RIMKLA: variants seen among roughly 807,000 people sequenced by gnomAD.
The protein encoded by RIMKLA is ribosomal modification protein rimK like family member A.
RIMKLA carries 14 observed loss-of-function variants against 32.7 expected under a neutral mutation model. The observed-to-expected ratio is 0.43, with a 90% CI of 0.28 to 0.67. The LOEUF is 0.67. Among genes scored for constraint, RIMKLA ranks in the 30% least tolerant of loss-of-function variants. The probability of loss-of-function intolerance (pLI) is 0.18; values close to 1 mark genes in which losing one functional copy is unlikely to be tolerated. For synonymous variants in RIMKLA, 176 were observed against 204.1 expected, an observed-to-expected ratio of 0.86 and a Z score of 1.18; for missense variants, 410 against 519.0, an observed-to-expected ratio of 0.79 and a Z score of 2.04.
intron 3 of RIMKLA, 114 bp from the exon 4 acceptor site, chr1:42,409,870 A>G (rs1643181863): frequency 3.7e-6 from 3 of 801,520 alleles, no homozygotes; most frequent in East Asian, 2.4e-5. Context: ...AGAAGGGACC[A>G]AAGTGAGGCA....
Position 42,421,781 on chromosome 1 carries a change from G to C in RIMKLA, c.*6807G>C, listed in dbSNP as rs1643297317. 1 of 152,180 alleles carries C rather than the reference G, an allele frequency of 6.6e-6. No individual in the cohort carries two copies. Among genetic ancestry groups the C allele is most frequent in the African/African-American group, 2.4e-5 (1 of 41,456 alleles). The allele number at this position is 152,180 out of a possible 1,614,324, so 9.4% of individuals were successfully genotyped here. A position where few individuals can be genotyped will look rare whatever the true frequency, so the allele number is the denominator to read the frequency against. ...AAACACAGCCACAGTGACCATTAGAGATTATATTAACCTGCAATTAAATAA... is the reference window on the plus strand; with the variant it reads ...AAACACAGCCACAGTGACCATTAGACATTATATTAACCTGCAATTAAATAA... On this transcript the variant is annotated 3_prime_UTR_variant, in exon 5 of 5. Coordinates refer to ENST00000431473, the MANE Select transcript of RIMKLA (RefSeq NM_173642.4). This position sits in a 1 kb window ranked among gnomAD's most constrained non-coding sequence, Gnocchi z 4.6.
intron 3 of RIMKLA, 60 bp from the exon 4 acceptor site, chr1:42,409,924 G>T: frequency 7.5e-7 from 1 of 1,338,562 alleles, no homozygotes; most frequent in South Asian, 1.2e-5. Context: ...GAGGCCAGAT[G>T]GCAAGTACAG....
intron 1 of RIMKLA, among the ~76,000 whole-genome samples, chr1:42,382,280 G>T (rs1642896220): frequency 6.6e-6 from 1 of 152,162 alleles, no homozygotes; most frequent in African/African-American, 2.4e-5. Context: ...GATGCAACCG[G>T]TACCCTCTCT....
chr1:42,398,967 T>TA (rs543668676), intron 1 of RIMKLA, among the ~76,000 whole-genome samples: 14,214 of 98,122 alleles, frequency 0.14, 1,037 homozygotes, highest in Non-Finnish European at 0.17. Context: ...ACCCTGTCTT[T>TA]AAAAAAAAAA....
chr1:42,381,903 G>C (rs74751710), intron 1 of RIMKLA, among the ~76,000 whole-genome samples: 2 of 152,328 alleles, frequency 1.3e-5, no homozygotes, highest in East Asian at 1.9e-4. Flanking sequence ...CTTGCTGTTT[G>C]AGTGTCTCTG....
At chr1:42,388,162 G>C (rs1435808096) in intron 1 of RIMKLA, among the ~76,000 whole-genome samples, 4 of 152,164 alleles carry the variant, frequency 2.6e-5, no homozygotes, top group African/African-American at 9.7e-5. Flanking sequence ...GGGTCACTGA[G>C]GGACTTTTGC....
chr1:42,382,131 G>T (rs190417826), intron 1 of RIMKLA, among the ~76,000 whole-genome samples: 1 of 152,302 alleles, frequency 6.6e-6, no homozygotes, highest in Non-Finnish European at 1.5e-5. Context: ...CTGTTTCTGA[G>T]TGGAATATAT....
rs1193404341 is a variant in RIMKLA, at chr1:42,414,672, G to T, written c.874G>T (p.Gly292Cys). 1 of 1,614,062 alleles carries T rather than the reference G, an allele frequency of 6.2e-7. No individual in the cohort carries two copies. Among genetic ancestry groups the T allele is most frequent in the African/African-American group, 1.3e-5 (1 of 74,934 alleles). The change falls in exon 5 of 5, where the codon GGT becomes TGT. Residue 292 changes from glycine (G) to cysteine (C), a missense_variant. By Grantham distance (159) the Gly-to-Cys change is radical. Transcript: ENST00000431473. ...AFDQACNLDV[G>C]GIIADYTMSL... The stretch of plus-strand genomic sequence containing the variant: ...TGACCAGGCATGCAACTTAGATGTG[G>T]GTGGGATCATTGCAGACTATACCAT...
chr1:42,383,178 G>A lies in RIMKLA; in HGVS notation c.163+2081G>A, dbSNP rs149517585. 1.8e-4 allele frequency among the ~76,000 whole-genome samples: 27 copies of A among 152,172 alleles called. 1 individual carries two copies. The East Asian group carries it at 3.5e-3, about 20-fold the overall frequency. On this transcript the variant is annotated intron_variant, in intron 1 of 4. Transcript: ENST00000431473. The stretch of plus-strand genomic sequence containing the variant: ...TGGGATTACAGGCGTGAGCCACCGC[G>A]TCCGGCCTGTTCTTTTTAACTACAG...
intron 1 of RIMKLA, among the ~76,000 whole-genome samples, chr1:42,398,667 A>T (rs1226992942): frequency 6.6e-6 from 1 of 152,152 alleles, no homozygotes; most frequent in Non-Finnish European, 1.5e-5. Context: ...ATGTTGATAA[A>T]ATCATTTAAA....
intron 1 of RIMKLA, among the ~76,000 whole-genome samples, chr1:42,389,589 A>T (rs1642979017): frequency 6.6e-6 from 1 of 152,150 alleles, no homozygotes; most frequent in South Asian, 2.1e-4. Flanking sequence ...AGGTGGGCGA[A>T]TCACTTGAGG....
chr1:42,401,625 G>C (rs1319131990), intron 2 of RIMKLA, among the ~76,000 whole-genome samples: 2 of 152,158 alleles, frequency 1.3e-5, no homozygotes, highest in Non-Finnish European at 2.9e-5. Context: ...TGATGTGTGT[G>C]TTGGGTTCAG....
rs1274859633 is a variant in RIMKLA, at chr1:42,416,870, A to G, written c.*1896A>G. On this transcript the variant is annotated 3_prime_UTR_variant, in exon 5 of 5. Transcript: ENST00000431473. ...TGGTGCCATGTAATGGAGATGTCAC[A>G]CTACACAGTTGTAGTTTAAATGCAG... The G allele has an allele frequency of 1.3e-5, 2 of 152,272 alleles. No homozygotes were observed. The highest frequency in any genetic ancestry group is 2.4e-5 in the African/African-American group (1 of 41,470). 9.4% of individuals were successfully genotyped at this position (152,272 alleles called of 1,614,324 possible). A position where few individuals can be genotyped will look rare whatever the true frequency, so the allele number is the denominator to read the frequency against.
At chr1:42,387,905 G>A (rs1642964232) in intron 1 of RIMKLA, among the ~76,000 whole-genome samples, 2 of 152,134 alleles carry the variant, frequency 1.3e-5, no homozygotes, top group African/African-American at 4.8e-5. Flanking sequence ...GTTTCTGGAG[G>A]TAAGAGAGGG....
At chr1:42,402,997 G>C (rs1643113750) in intron 2 of RIMKLA, among the ~76,000 whole-genome samples, 1 of 152,044 alleles carries the variant, frequency 6.6e-6, no homozygotes, top group Admixed American at 6.6e-5. Context: ...GTTGTAATTT[G>C]TTACCGCAAC....
rs1465435253 is a variant in RIMKLA at position 42,415,296 on chromosome 1, T to C, written c.*322T>C. ...ACTTTTAGCAGTAGAACCCATTAGC[T>C]CAAAATGGCTCTTGGAATTATGTAC... On this transcript the variant is annotated 3_prime_UTR_variant, in exon 5 of 5. Coordinates refer to ENST00000431473, the MANE Select transcript of RIMKLA (RefSeq NM_173642.4). 3.9e-6 allele frequency: 1 copy of C among 255,174 alleles called. No homozygotes were observed. The highest frequency in any genetic ancestry group is 2.2e-5 in the African/African-American group (1 of 44,798). 15.8% of individuals were successfully genotyped at this position (255,174 alleles called of 1,614,324 possible). A position where few individuals can be genotyped will look rare whatever the true frequency, so the allele number is the denominator to read the frequency against.
rs966758077 is a variant in RIMKLA, at chr1:42,416,684, G to A, written c.*1710G>A. 3 of 152,138 alleles carry A rather than the reference G, an allele frequency of 2.0e-5. No individual in the cohort carries two copies. The highest frequency in any genetic ancestry group is 2.0e-4 in the Admixed American group (3 of 15,274). 9.4% of individuals were successfully genotyped at this position (152,138 alleles called of 1,614,324 possible). A position where few individuals can be genotyped will look rare whatever the true frequency, so the allele number is the denominator to read the frequency against. On this transcript the variant is annotated 3_prime_UTR_variant, in exon 5 of 5. Transcript: ENST00000431473. ...ACTTCAAAGGCAACACTACCCATTCGGGTGCAGAAATTACCGTACTTACTC... is the reference window on the plus strand; with the variant it reads ...ACTTCAAAGGCAACACTACCCATTCAGGTGCAGAAATTACCGTACTTACTC...
intron 1 of RIMKLA, 67 bp downstream of exon 1, chr1:42,381,164 C>T: frequency 2.5e-6 from 3 of 1,185,452 alleles, no homozygotes; most frequent in Non-Finnish European, 3.2e-6. Flanking sequence ...GTCGGGTGGG[C>T]GCGCTCGCCG....
intron 3 of RIMKLA, among the ~76,000 whole-genome samples, chr1:42,404,952 A>T (rs901500167): frequency 2.0e-5 from 3 of 152,138 alleles, no homozygotes; most frequent in Non-Finnish European, 4.4e-5. Flanking sequence ...CAGAGTCCAT[A>T]TTCCTCATCA....
Sources: allele counts gnomAD v4.1 joint callset (sites outside exome capture counted in the v4.1 genomes callset), GRCh38; gene constraint gnomAD v4.1.1; non-coding constraint Gnocchi (gnomAD v3.1); transcripts MANE v1.5; gene names NCBI Gene and HGNC (gene_info 2026-07-23, HGNC 2026-07-21).